Variants in THRAP3 observed in about 807,000 individuals in gnomAD.
THRAP3 encodes thyroid hormone receptor associated protein 3, also known as thyroid hormone receptor-associated protein 3.
A neutral mutation model predicts 101.0 loss-of-function variants in THRAP3; 16 were observed. That is an observed-to-expected ratio of 0.16 (90% confidence interval 0.11 to 0.24). The LOEUF (loss-of-function observed/expected upper bound fraction) is 0.24, where lower values mean the gene tolerates loss of function less well. Ranked by LOEUF, THRAP3 falls within the 10% of genes least tolerant of loss-of-function variation. The pLI, the probability that THRAP3 is intolerant of heterozygous loss-of-function variation, is 1.00. For synonymous variants in THRAP3, 407 were observed against 422.6 expected, an observed-to-expected ratio of 0.96 and a Z score of 0.45; for missense variants, 989 against 1,202.7, an observed-to-expected ratio of 0.82 and a Z score of 2.63.
chr1:36,209,281 C>T, the THRAP3 span, among the ~76,000 whole-genome samples: 29 of 152,044 alleles, frequency 1.9e-4, no homozygotes, highest in African/African-American at 6.5e-4. Flanking sequence ...TCTGGCCCAA[C>T]ATAATCATAT....
At chr1:36,264,749 T>C (rs779265110) in intron 2 of THRAP3, among the ~76,000 whole-genome samples, 27 of 152,208 alleles carry the variant, frequency 1.8e-4, no homozygotes, top group Non-Finnish European at 4.4e-5. Context: ...TCTTTTTTTT[T>C]AATATCTATT....
intron 2 of THRAP3, among the ~76,000 whole-genome samples, chr1:36,264,098 C>T (rs896162503): frequency 1.3e-5 from 2 of 152,158 alleles, no homozygotes; most frequent in South Asian, 2.1e-4. Context: ...CTCGCTCTGT[C>T]GCCCAGGCTG....
chr1:36,254,006 G>A (rs1014561801), intron 1 of THRAP3, among the ~76,000 whole-genome samples: 4 of 151,996 alleles, frequency 2.6e-5, no homozygotes, highest in African/African-American at 9.7e-5. Context: ...GTGGTTAAGG[G>A]TGGTTCTTGT....
intron 2 of THRAP3, among the ~76,000 whole-genome samples, chr1:36,264,771 G>A (rs1645491616): frequency 6.6e-6 from 1 of 152,054 alleles, no homozygotes; most frequent in Admixed American, 6.6e-5. Flanking sequence ...GAGAATAGTT[G>A]AAGATTTATT....
Position 36,289,045 on chromosome 1 carries a change from T to C in THRAP3, c.1041-15T>C. 1 of 1,551,366 alleles carries C rather than the reference T, an allele frequency of 6.4e-7. No homozygotes were observed. The highest frequency in any genetic ancestry group is 1.2e-5 in the South Asian group (1 of 80,268). ...AGAAGCCTCTTGTGTCTCTCTCTTG[T>C]GTTTTTATAAATAGGTATCTAGAAG... On this transcript the variant is annotated splice_polypyrimidine_tract_variant and intron_variant, in intron 4 of 11. Transcript: ENST00000354618.
Position 36,286,141 on chromosome 1 carries a change from TATGA to T in THRAP3, c.138-221_138-218del, listed in dbSNP as rs1645793584. ...CACCTCCATTTTAAATGTGCTGCAA[TATGA>T]ATGAAGTGACCTGTGTTTCATCACT... is the stretch of plus-strand genomic sequence containing the variant. On this transcript the variant is annotated intron_variant, in intron 3 of 11. Transcript: ENST00000354618. The surrounding 1 kb of genome is among the most constrained non-coding windows in gnomAD (Gnocchi z 5.5). Among the ~76,000 whole-genome samples the T allele has an allele frequency of 1.3e-5, 2 of 152,224 alleles. No individual in the cohort carries two copies.
At chr1:36,276,107 C>T (rs1315311336) in intron 2 of THRAP3, among the ~76,000 whole-genome samples, 1 of 151,918 alleles carries the variant, frequency 6.6e-6, no homozygotes, top group Middle Eastern at 3.2e-3. Context: ...ACTAGAAAAC[C>T]CTTACAAGAA....
At chr1:36,281,615 GTTTAT>G (rs1457065756) in intron 2 of THRAP3, among the ~76,000 whole-genome samples, 6 of 148,878 alleles carry the variant, frequency 4.0e-5, no homozygotes, top group Non-Finnish European at 7.4e-5. Context: ...TGTTTTTAAA[GTTTAT>G]TTTATTTAAA....
At position 36,301,518 on chromosome 1, in the gene THRAP3, A is replaced by C. The variant is rs1470784540; in HGVS notation, c.2503-35A>C. On this transcript the variant is annotated intron_variant, in intron 10 of 11. Transcript: ENST00000354618. The stretch of plus-strand genomic sequence containing the variant: ...GGGTTTGTTCCCCATTCCTGGCATG[A>C]TCCTTTGTTCTTTTTCCCTCATTTA... 2 of 1,603,988 alleles carry C rather than the reference A, an allele frequency of 1.2e-6. 1 individual carries two copies. The highest frequency in any genetic ancestry group is 2.2e-5 in the South Asian group (2 of 90,362).
intron 9 of THRAP3, 26 bp from the exon 10 acceptor site, chr1:36,300,860 T>G: frequency 3.1e-6 from 5 of 1,610,864 alleles, no homozygotes; most frequent in African/African-American, 2.7e-5. Context: ...AGATGATTGA[T>G]CACCCTGGCT....
chr1:36,222,710 A>G (rs1375511906), upstream of THRAP3, among the ~76,000 whole-genome samples: 2 of 152,178 alleles, frequency 1.3e-5, no homozygotes, highest in African/African-American at 4.8e-5. Context: ...CGCCCGGCCT[A>G]TGCCTGTATT....
rs780118251 is a variant in THRAP3 at position 36,291,586 on chromosome 1, C to T, written c.1918+40C>T. The stretch of plus-strand genomic sequence containing the variant: ...TGGCCTGCTTCAGGCTCGTGTTCCA[C>T]ACTTAGAAGAAGGATGAATGATGGG... On this transcript the variant is annotated intron_variant, in intron 6 of 11. Transcript: ENST00000354618. 2.3e-5 allele frequency: 37 copies of T among 1,599,796 alleles called. No individual in the cohort carries two copies. In the East Asian group the frequency reaches 7.8e-4, roughly 34 times the overall value.
chr1:36,276,825 C>G (rs973835067), intron 2 of THRAP3, among the ~76,000 whole-genome samples: 1 of 151,960 alleles, frequency 6.6e-6, no homozygotes, highest in African/African-American at 2.4e-5. Flanking sequence ...CCACTGCACT[C>G]TAGCCTGGGA....
intron 6 of THRAP3, 38 bp from the exon 7 acceptor site, chr1:36,292,560 A>G (rs770086473): frequency 1.3e-6 from 2 of 1,541,440 alleles, no homozygotes; most frequent in Non-Finnish European, 1.8e-6. Context: ...TTGAGCCACC[A>G]TGCCTGGCCC....
At chr1:36,288,258 CT>C (rs1334344320) in intron 4 of THRAP3, 2 of 746,140 alleles carry the variant, frequency 2.7e-6, no homozygotes, top group Admixed American at 6.3e-5. Context: ...CACCCATCAC[CT>C]GAGCAGTGTA....
chr1:36,272,983 C>G (rs1166694469), intron 2 of THRAP3, among the ~76,000 whole-genome samples: 3 of 152,172 alleles, frequency 2.0e-5, no homozygotes, highest in Non-Finnish European at 4.4e-5. Flanking sequence ...ATTGTTCCTT[C>G]TTGTGAAGAG....
chr1:36,239,389 C>T (rs1185399899), intron 1 of THRAP3, among the ~76,000 whole-genome samples: 1 of 152,038 alleles, frequency 6.6e-6, no homozygotes, highest in African/African-American at 2.4e-5. Flanking sequence ...GCCTCAGCCT[C>T]CCAAGTAGAT....
rs1205189924 is a variant in THRAP3, at chr1:36,303,980, G to A, written c.2831G>A (p.Arg944Gln). The A allele has an allele frequency of 3.1e-6, 5 of 1,598,814 alleles. No homozygotes were observed. The highest frequency in any genetic ancestry group is 1.7e-5 in the Admixed American group (1 of 57,720). The change falls in exon 12 of 12, where the codon CGA (arginine) becomes CAA (glutamine). Residue 944 changes from arginine to glutamine, a missense_variant. By Grantham distance (43) the Arg-to-Gln change is conservative (BLOSUM62 1). Coordinates refer to ENST00000354618, the MANE Select transcript of THRAP3 (RefSeq NM_005119.4). The part of the protein sequence containing the change: ...IEDDESGTEN[R>Q]EEKDNIQPTT... ...GACGACGAGAGTGGGACAGAGAACC[G>A]AGAAGAGAAGGACAATATACAGCCC...
At chr1:36,210,270 G>A in the THRAP3 span, among the ~76,000 whole-genome samples, 2 of 151,164 alleles carry the variant, frequency 1.3e-5, no homozygotes, top group East Asian at 3.9e-4. Context: ...GGAGGCTGAG[G>A]CAGGAGAATC....
Sources: allele counts gnomAD v4.1 joint callset (sites outside exome capture counted in the v4.1 genomes callset), GRCh38; gene constraint gnomAD v4.1.1; non-coding constraint Gnocchi (gnomAD v3.1); transcripts MANE v1.5; gene names NCBI Gene and HGNC (gene_info 2026-07-23, HGNC 2026-07-21).